The following PDE1C variants were observed in gnomAD, a reference collection of about 807,000 sequenced individuals.
PDE1C encodes the protein dual specificity calcium/calmodulin-dependent 3',5'-cyclic nucleotide phosphodiesterase 1C.
Under a neutral mutation model 93.1 loss-of-function variants are expected in PDE1C, and 62 were observed. The observed-to-expected ratio is 0.67, with a 90% CI of 0.54 to 0.82. The LOEUF (loss-of-function observed/expected upper bound fraction) is 0.82. Ranked by LOEUF, PDE1C falls within the 40% of genes least tolerant of loss-of-function variation. PDE1C has a pLI of 0.00. For synonymous variants in PDE1C, 325 were observed against 310.1 expected, an observed-to-expected ratio of 1.05 and a Z score of -0.50; for missense variants, 742 against 884.6, an observed-to-expected ratio of 0.84 and a Z score of 2.04.
At chr7:32,174,046 T>C (rs1802824754) in intron 2 of PDE1C, among the ~76,000 whole-genome samples, 2 of 152,136 alleles carry the variant, frequency 1.3e-5, no homozygotes, top group African/African-American at 4.8e-5. Context: ...CTTTTTTTGT[T>C]TTTTAAGGGC....
At chr7:31,669,433 T>C in the PDE1C span, among the ~76,000 whole-genome samples, 1 of 152,172 alleles carries the variant, frequency 6.6e-6, no homozygotes, top group African/African-American at 2.4e-5. Context: ...TTATATAATT[T>C]GTATTTATAA....
At chr7:32,129,757 T>C (rs1799816812) in intron 3 of PDE1C, among the ~76,000 whole-genome samples, 1 of 152,078 alleles carries the variant, frequency 6.6e-6, no homozygotes, top group Non-Finnish European at 1.5e-5. Flanking sequence ...GTATAACTTC[T>C]TTATTGCTTA....
At chr7:32,077,291 T>G (rs1438152026) in intron 3 of PDE1C, among the ~76,000 whole-genome samples, 1 of 152,150 alleles carries the variant, frequency 6.6e-6, no homozygotes, top group East Asian at 1.9e-4. Context: ...CCTTGTACAT[T>G]GGAGGTTCTC....
intron 7 of PDE1C, among the ~76,000 whole-genome samples, chr7:31,858,860 A>G (rs1794332787): frequency 6.6e-6 from 1 of 152,012 alleles, no homozygotes; most frequent in African/African-American, 2.4e-5. Context: ...TGTTATAACC[A>G]AAGAAAATAA....
At chr7:32,074,435 C>T (rs956542336), upstream of PDE1C, among the ~76,000 whole-genome samples, 2 of 152,184 alleles carry the variant, frequency 1.3e-5, no homozygotes, top group African/African-American at 4.8e-5. Flanking sequence ...TAATTATGCT[C>T]ATTTACAAGT....
intron 1 of PDE1C, among the ~76,000 whole-genome samples, chr7:32,295,755 G>C (rs1444228388): frequency 2.0e-5 from 3 of 152,048 alleles, no homozygotes; most frequent in African/African-American, 4.8e-5. Context: ...TTAGCAGGGC[G>C]TGTTGGCGGG....
intron 4 of PDE1C, among the ~76,000 whole-genome samples, chr7:31,878,533 G>T (rs1416236248): frequency 6.6e-6 from 1 of 152,110 alleles, no homozygotes; most frequent in Non-Finnish European, 1.5e-5. Flanking sequence ...ATCTATTTCT[G>T]GAATCTATTG....
intron 2 of PDE1C, among the ~76,000 whole-genome samples, chr7:31,910,817 GGAGT>G (rs1801134336): frequency 6.6e-6 from 1 of 152,150 alleles, no homozygotes; most frequent in Non-Finnish European, 1.5e-5. Flanking sequence ...GTTGGTGTGA[GGAGT>G]AAGTTTATAA....
intron 2 of PDE1C, among the ~76,000 whole-genome samples, chr7:32,024,151 A>G (rs1789091965): frequency 6.6e-6 from 1 of 151,942 alleles, no homozygotes; most frequent in African/African-American, 2.4e-5. Flanking sequence ...AATATCTAAC[A>G]TAAAGCTGAG....
chr7:32,372,770 G>C (rs1784355461), intron 1 of PDE1C, among the ~76,000 whole-genome samples: 6 of 152,058 alleles, frequency 3.9e-5, no homozygotes, highest in Admixed American at 3.9e-4. Context: ...ATAATAAAAA[G>C]ACAAGTAGCC....
chr7:32,427,861 T>C (rs1785568629), exon 1 of PDE1C: 1 of 152,202 alleles, frequency 6.6e-6, no homozygotes, highest in Non-Finnish European at 1.5e-5. Context: ...GGCTGGGACA[T>C]ACTCGCCTCA....
intron 16 of PDE1C, among the ~76,000 whole-genome samples, chr7:31,781,994 C>T (rs1783455260): frequency 6.6e-6 from 1 of 152,004 alleles, no homozygotes. Flanking sequence ...ACCTGTGACC[C>T]AGTAATTGTA....
rs548651135 is a variant in PDE1C, at chr7:32,421,031, C to T, written c.310+6791G>A. Among the ~76,000 whole-genome samples, 6 of 152,028 alleles carry T rather than the reference C, an allele frequency of 3.9e-5. 1 individual carries two copies. In the South Asian group the frequency reaches 1.0e-3, roughly 26 times the overall value. On this transcript the variant is annotated intron_variant, in intron 1 of 1. Coordinates refer to the PDE1C transcript ENST00000672256. ...TCTCAAAAGGATGCTGTGAACACCA[C>T]AGAGGGGTAGTTTTCAAAGTCAGGG...
intron 1 of PDE1C, among the ~76,000 whole-genome samples, chr7:32,375,347 A>G (rs1240484223): frequency 6.6e-6 from 1 of 152,178 alleles, no homozygotes; most frequent in East Asian, 1.9e-4. Context: ...AACAGGGAGA[A>G]GGGATTAACG....
At chr7:31,865,164 C>T (rs1209007428) in intron 6 of PDE1C, 82 bp from the exon 7 acceptor site, 2 of 1,441,392 alleles carry the variant, frequency 1.4e-6, no homozygotes, top group Non-Finnish European at 1.9e-6. Context: ...ACCAGGACTG[C>T]TTTTTCTCTG....
At chr7:32,108,551 A>C (rs1798469767) in intron 3 of PDE1C, among the ~76,000 whole-genome samples, 1 of 152,144 alleles carries the variant, frequency 6.6e-6, no homozygotes, top group Admixed American at 6.6e-5. Flanking sequence ...TCCAGAAGAA[A>C]ATTCTAGAGA....
intron 1 of PDE1C, among the ~76,000 whole-genome samples, chr7:32,280,143 G>T (rs893264308): frequency 6.6e-6 from 1 of 152,064 alleles, no homozygotes; most frequent in Non-Finnish European, 1.5e-5. Flanking sequence ...TTAACAATGA[G>T]AATATAATAT....
At chr7:32,265,289 G>A (rs1810492928) in intron 1 of PDE1C, among the ~76,000 whole-genome samples, 3 of 152,056 alleles carry the variant, frequency 2.0e-5, no homozygotes, top group Non-Finnish European at 4.4e-5. Flanking sequence ...TCTATCCTTC[G>A]GCTCCAGGGG....
At chr7:31,825,076 G>A (rs528792544) in intron 12 of PDE1C, 89 bp from the exon 13 acceptor site, 7 of 1,538,728 alleles carry the variant, frequency 4.5e-6, no homozygotes, top group South Asian at 3.4e-5. Context: ...AGAAGTTCCA[G>A]ATCAGATTAA....
Sources: gnomAD v4.1 joint callset for allele counts (sites outside exome capture counted in the v4.1 genomes callset) on GRCh38, gnomAD v4.1.1 for gene constraint, MANE v1.5 for transcripts, NCBI Gene and HGNC (gene_info 2026-07-23, HGNC 2026-07-21) for gene names.